The following ITGBL1 variants were observed in gnomAD, a reference collection of about 807,000 sequenced individuals.
ITGBL1 encodes integrin beta-like protein 1.
In ITGBL1, 51 loss-of-function variants were observed where a neutral mutation model predicts 68.5. The observed-to-expected ratio is 0.74, with a 90% CI of 0.59 to 0.94. The LOEUF (loss-of-function observed/expected upper bound fraction) is 0.94. Among genes scored for constraint, ITGBL1 ranks in the 40% least tolerant of loss-of-function variants. ITGBL1 has a pLI of 0.00. For synonymous variants in ITGBL1, 209 were observed against 227.3 expected, an observed-to-expected ratio of 0.92 and a Z score of 0.72; for missense variants, 649 against 647.4, an observed-to-expected ratio of 1.00 and a Z score of -0.03.
intron 6 of ITGBL1, among the ~76,000 whole-genome samples, chr13:101,596,160 T>C (rs1324008233): frequency 6.6e-6 from 1 of 152,142 alleles, no homozygotes; most frequent in African/African-American, 2.4e-5. Context: ...CTGGAGGACA[T>C]TCTGCTAAGT....
At chr13:101,575,286 C>A in intron 3 of ITGBL1, 138 bp from the exon 4 acceptor site, 2 of 799,108 alleles carry the variant, frequency 2.5e-6, no homozygotes, top group African/African-American at 1.8e-5. Flanking sequence ...CTTTACCTCA[C>A]CATGCCCACA....
chr13:101,489,869 A>T, intron 2 of ITGBL1: 1 of 789,364 alleles, frequency 1.3e-6, no homozygotes, highest in Non-Finnish European at 2.0e-6. Context: ...GGTGAAAAAT[A>T]GAAACCAGTG....
At chr13:101,477,678 A>G (rs944924029) in intron 2 of ITGBL1, among the ~76,000 whole-genome samples, 1 of 152,092 alleles carries the variant, frequency 6.6e-6, no homozygotes, top group African/African-American at 2.4e-5. Flanking sequence ...ATCATTTGTG[A>G]CTACTATGAA....
At chr13:101,640,942 T>A (rs1166745700) in intron 7 of ITGBL1, among the ~76,000 whole-genome samples, 2 of 152,216 alleles carry the variant, frequency 1.3e-5, no homozygotes, top group African/African-American at 4.8e-5. Flanking sequence ...GTTGAAGGAA[T>A]GAAAAATATC....
intron 2 of ITGBL1, among the ~76,000 whole-genome samples, chr13:101,466,571 TA>T (rs1254652870): frequency 6.6e-6 from 1 of 152,218 alleles, no homozygotes; most frequent in Admixed American, 6.5e-5. Context: ...TCTCTCTAGT[TA>T]GATCTTAACA....
At chr13:101,478,803 A>T (rs1212043190) in intron 2 of ITGBL1, among the ~76,000 whole-genome samples, 3 of 152,090 alleles carry the variant, frequency 2.0e-5, no homozygotes, top group Admixed American at 6.6e-5. Context: ...TGATGCAAAA[A>T]ATTGAAGAGG....
At chr13:101,606,714 C>A (rs563942906) in intron 7 of ITGBL1, among the ~76,000 whole-genome samples, 1 of 151,958 alleles carries the variant, frequency 6.6e-6, no homozygotes, top group Non-Finnish European at 1.5e-5. Flanking sequence ...TGCTGGAGAT[C>A]GTCTCTGACC....
intron 7 of ITGBL1, among the ~76,000 whole-genome samples, chr13:101,634,421 A>G (rs945303617): frequency 1.1e-4 from 16 of 152,120 alleles, no homozygotes; most frequent in South Asian, 8.3e-4. Flanking sequence ...TAGGAGACAT[A>G]ATAAAGGCCT....
At chr13:101,714,401 A>T in intron 9 of ITGBL1, 37 bp from the exon 10 acceptor site, 1 of 1,143,156 alleles carries the variant, frequency 8.7e-7, no homozygotes, top group South Asian at 1.2e-5. Context: ...ACCTTTAGTT[A>T]TAAGGTGATG....
intron 7 of ITGBL1, among the ~76,000 whole-genome samples, chr13:101,625,448 T>G (rs1472584345): frequency 6.6e-6 from 1 of 152,188 alleles, no homozygotes; most frequent in Non-Finnish European, 1.5e-5. Context: ...TATTGCTTCT[T>G]CTGTAGGTTA....
chr13:101,654,067 A>T (rs919802958), intron 7 of ITGBL1, among the ~76,000 whole-genome samples: 2 of 151,852 alleles, frequency 1.3e-5, no homozygotes, highest in Non-Finnish European at 2.9e-5. Context: ...ACAGTGAACA[A>T]AATTTGGGGG....
chr13:101,605,440 G>C lies in ITGBL1; in HGVS notation c.1015+7141G>C, dbSNP rs115748196. Among the ~76,000 whole-genome samples the C allele has an allele frequency of 1.9e-3, 234 of 120,186 alleles. 8 individuals are homozygous for C. Among genetic ancestry groups the C allele is most frequent in the Middle Eastern group, 8.6e-3 (2 of 232 alleles). The allele number at this position is 120,186 out of a possible 152,430, so 78.8% of individuals were successfully genotyped here. On this transcript the variant is annotated intron_variant, in intron 7 of 10. Coordinates refer to ENST00000376180, the MANE Select transcript of ITGBL1 (RefSeq NM_004791.3). ...TATACACATATATAGACATGTATAT[G>C]CGTATATATACACATATATAGACAT...
At chr13:101,556,764 C>T (rs917013014) in intron 2 of ITGBL1, among the ~76,000 whole-genome samples, 1 of 152,132 alleles carries the variant, frequency 6.6e-6, no homozygotes, top group Admixed American at 6.5e-5. Flanking sequence ...ATGTAGGTCA[C>T]TGCCAGAAGC....
intron 2 of ITGBL1, among the ~76,000 whole-genome samples, chr13:101,551,090 G>A (rs984551178): frequency 2.6e-5 from 4 of 152,270 alleles, no homozygotes; most frequent in South Asian, 2.1e-4. Flanking sequence ...TGATGGAGAG[G>A]GGTGAGGATA....
chr13:101,576,791 A>C (rs1306997635), intron 4 of ITGBL1, among the ~76,000 whole-genome samples: 1 of 152,124 alleles, frequency 6.6e-6, no homozygotes, highest in African/African-American at 2.4e-5. Context: ...CAAACACAAA[A>C]ACCTTATTTT....
intron 2 of ITGBL1, among the ~76,000 whole-genome samples, chr13:101,553,844 G>A (rs560609977): frequency 1.3e-5 from 2 of 152,036 alleles, no homozygotes; most frequent in East Asian, 1.9e-4. Context: ...GCACGATCTC[G>A]GCTCACCGCA....
chr13:101,478,576 G>C (rs2048570792), intron 2 of ITGBL1, among the ~76,000 whole-genome samples: 1 of 151,980 alleles, frequency 6.6e-6, no homozygotes, highest in Non-Finnish European at 1.5e-5. Context: ...CTTATGCTTA[G>C]AAAAACCCAC....
intron 7 of ITGBL1, among the ~76,000 whole-genome samples, chr13:101,647,792 A>T (rs2032611228): frequency 6.6e-6 from 1 of 152,192 alleles, no homozygotes; most frequent in Non-Finnish European, 1.5e-5. Context: ...GGTGCGAAAA[A>T]GGGAGCCAGC....
At chr13:101,463,712 G>T (rs1297675447) in intron 2 of ITGBL1, among the ~76,000 whole-genome samples, 1 of 151,870 alleles carries the variant, frequency 6.6e-6, no homozygotes, top group Non-Finnish European at 1.5e-5. Flanking sequence ...TCCCAAATAG[G>T]TTGATCCCAG....
Sources: gnomAD v4.1 joint callset for allele counts (sites outside exome capture counted in the v4.1 genomes callset) on GRCh38, gnomAD v4.1.1 for gene constraint, MANE v1.5 for transcripts, NCBI Gene and HGNC (gene_info 2026-07-23, HGNC 2026-07-21) for gene names.